RBMS3: variants seen among roughly 807,000 people sequenced by gnomAD.
RBMS3 encodes the protein RNA-binding motif, single-stranded-interacting protein 3.
RBMS3 carries 27 observed loss-of-function variants against 66.8 expected under a neutral mutation model. The ratio of observed to expected loss-of-function variants is 0.40; its 90% CI spans 0.30 to 0.56. RBMS3 has a LOEUF of 0.56. RBMS3 is among the 20% of genes least tolerant of loss of function. RBMS3 has a pLI of 0.40. For missense variants in RBMS3, 513 were observed against 549.5 expected (o/e 0.93, Z 0.66); for synonymous variants, 188 against 183.0 (o/e 1.03, Z -0.22).
chr3:29,383,022 T>G (rs1358061792), intron 1 of RBMS3, among the ~76,000 whole-genome samples: 1 of 152,188 alleles, frequency 6.6e-6, no homozygotes. Flanking sequence ...CAGGTGTAAC[T>G]GTCAAAGAGC....
At chr3:29,692,366 G>A (rs1369043195) in intron 4 of RBMS3, among the ~76,000 whole-genome samples, 1 of 152,048 alleles carries the variant, frequency 6.6e-6, no homozygotes, top group East Asian at 1.9e-4. Context: ...AAGACTTAAA[G>A]AGGTATAATT....
At chr3:29,958,124 AC>A (rs1182818589) in intron 12 of RBMS3, among the ~76,000 whole-genome samples, 4 of 152,190 alleles carry the variant, frequency 2.6e-5, no homozygotes, top group African/African-American at 9.7e-5. Context: ...TCAGCCATGA[AC>A]AAACAAGGCA....
intron 6 of RBMS3, among the ~76,000 whole-genome samples, chr3:29,771,051 G>A (rs2056178756): frequency 6.6e-6 from 1 of 151,864 alleles, no homozygotes; most frequent in Admixed American, 6.6e-5. Flanking sequence ...TGAAAAGTCT[G>A]CAAAACATAA....
chr3:29,743,728 TTC>T (rs1263937735), intron 5 of RBMS3, among the ~76,000 whole-genome samples: 22 of 151,226 alleles, frequency 1.5e-4, no homozygotes, highest in African/African-American at 3.9e-4. Flanking sequence ...TTATTTGCAT[TTC>T]TTTTTTTTTT....
At chr3:29,760,603 A>G (rs1221225054) in intron 5 of RBMS3, among the ~76,000 whole-genome samples, 1 of 151,998 alleles carries the variant, frequency 6.6e-6, no homozygotes, top group Non-Finnish European at 1.5e-5. Flanking sequence ...TCCTGTGGGA[A>G]GAGAGAAAGA....
At chr3:29,941,800 A>G (rs1270746218) in intron 11 of RBMS3, among the ~76,000 whole-genome samples, 2 of 151,840 alleles carry the variant, frequency 1.3e-5, no homozygotes, top group Admixed American at 6.6e-5. Flanking sequence ...TAATGAAAGA[A>G]ACAGAAACAG....
At chr3:29,929,726 T>G (rs1418893448) in intron 10 of RBMS3, among the ~76,000 whole-genome samples, 1 of 152,186 alleles carries the variant, frequency 6.6e-6, no homozygotes, top group Non-Finnish European at 1.5e-5. Context: ...TCTATGTACA[T>G]GTACATATCT....
At chr3:29,361,426 C>A (rs1380108226) in intron 1 of RBMS3, among the ~76,000 whole-genome samples, 1 of 152,210 alleles carries the variant, frequency 6.6e-6, no homozygotes, top group Non-Finnish European at 1.5e-5. Flanking sequence ...CATTGTTAGT[C>A]TGATGGGCTT....
At chr3:29,779,706 A>AATATATATATAT (rs566888716) in intron 6 of RBMS3, among the ~76,000 whole-genome samples, 6,289 of 106,858 alleles carry the variant, frequency 0.059, 579 homozygotes, top group Non-Finnish European at 0.098. Context: ...ATTAAGATGA[A>AATATATATATAT]ATATATATAT....
At chr3:29,980,067 C>A (rs1365687851) in intron 12 of RBMS3, among the ~76,000 whole-genome samples, 1 of 152,160 alleles carries the variant, frequency 6.6e-6, no homozygotes, top group Non-Finnish European at 1.5e-5. Context: ...GTAAAGTGTT[C>A]CTATTTCTCC....
At chr3:29,389,207 G>T (rs2039164355) in intron 1 of RBMS3, among the ~76,000 whole-genome samples, 1 of 151,980 alleles carries the variant, frequency 6.6e-6, no homozygotes, top group South Asian at 2.1e-4. Context: ...TTAGCCATGG[G>T]TTCTCATTTT....
chr3:29,555,554 A>G (rs2046329104), intron 3 of RBMS3, among the ~76,000 whole-genome samples: 1 of 152,202 alleles, frequency 6.6e-6, no homozygotes, highest in South Asian at 2.1e-4. Context: ...GAGTTTATTG[A>G]AACATTTCTA....
At chr3:29,670,677 C>T (rs2050959379) in intron 4 of RBMS3, among the ~76,000 whole-genome samples, 1 of 152,236 alleles carries the variant, frequency 6.6e-6, no homozygotes, top group South Asian at 2.1e-4. Context: ...CAAGATCGAA[C>T]TGCAAGGCAG....
intron 4 of RBMS3, among the ~76,000 whole-genome samples, chr3:29,695,457 A>G (rs939280321): frequency 3.3e-5 from 5 of 152,132 alleles, no homozygotes; most frequent in African/African-American, 9.7e-5. Context: ...TTTGTTGAGG[A>G]GGGGCATTTT....
At chr3:29,717,245 T>C (rs1366842643) in intron 4 of RBMS3, among the ~76,000 whole-genome samples, 1 of 152,088 alleles carries the variant, frequency 6.6e-6, no homozygotes, top group Non-Finnish European at 1.5e-5. Flanking sequence ...AAGTGCTCAA[T>C]AAAGAGTTGT....
chr3:29,464,574 T>TTTTTTAAAAAA (rs2042474942), intron 2 of RBMS3, among the ~76,000 whole-genome samples: 2 of 152,198 alleles, frequency 1.3e-5, no homozygotes, highest in South Asian at 4.1e-4. Flanking sequence ...TCTTGAAATC[T>TTTTTTAAAAAA]TTTTTAAAAA....
At position 29,991,064 on chromosome 3, in the gene RBMS3, T is replaced by A; in HGVS notation, c.1180-18T>A. The A allele has an allele frequency of 6.5e-7, 1 of 1,530,156 alleles. No homozygotes were observed. Among genetic ancestry groups the A allele is most frequent in the Non-Finnish European group, 8.9e-7 (1 of 1,129,532 alleles). 94.8% of individuals were successfully genotyped at this position (1,530,156 alleles called of 1,614,324 possible). ...ACTGAAGCAAGTAAGGCTTTTATGT[T>A]CTTATTTGCCTCCTTAGGGTGTTGT... On this transcript the variant is annotated intron_variant, in intron 13 of 14. Coordinates refer to ENST00000383767, the MANE Select transcript of RBMS3 (RefSeq NM_001003793.3).
intron 2 of RBMS3, among the ~76,000 whole-genome samples, chr3:29,452,919 AT>A (rs764326804): frequency 1.3e-5 from 2 of 152,176 alleles, no homozygotes; most frequent in Admixed American, 6.5e-5. Context: ...TTGAATATAC[AT>A]TTTTCAGGGT....
intron 4 of RBMS3, among the ~76,000 whole-genome samples, chr3:29,733,941 T>G (rs2371813): frequency 0.54 from 82,355 of 151,846 alleles, 23,095 homozygotes; most frequent in African/African-American, 0.7. Context: ...TATGGTGAAT[T>G]ATAGGGGTCT....
Sources: gnomAD v4.1 joint callset for allele counts (sites outside exome capture counted in the v4.1 genomes callset) on GRCh38, gnomAD v4.1.1 for gene constraint, MANE v1.5 for transcripts, NCBI Gene and HGNC (gene_info 2026-07-23, HGNC 2026-07-21) for gene names.